Variants in KLHL29 observed in about 807,000 individuals in gnomAD.
The protein encoded by KLHL29 is kelch like family member 29.
KLHL29 carries 21 observed loss-of-function variants against 80.4 expected under a neutral mutation model. The ratio of observed to expected loss-of-function variants is 0.26; its 90% CI spans 0.19 to 0.38. The LOEUF is 0.38. Ranked by LOEUF, KLHL29 falls within the 10% of genes least tolerant of loss-of-function variation. The probability of loss-of-function intolerance (pLI) is 1.00; values close to 1 mark genes in which losing one functional copy is unlikely to be tolerated. For synonymous variants in KLHL29, 511 were observed against 526.8 expected, an observed-to-expected ratio of 0.97 and a Z score of 0.41; for missense variants, 867 against 1,223.9, an observed-to-expected ratio of 0.71 and a Z score of 4.35.
At chr2:23,622,632 T>A (rs1459150189) in intron 3 of KLHL29, among the ~76,000 whole-genome samples, 1 of 152,180 alleles carries the variant, frequency 6.6e-6, no homozygotes, top group African/African-American at 2.4e-5. Context: ...GGGCTTCCCC[T>A]GCCTGGAATG....
At chr2:23,559,614 A>G (rs897572732) in intron 2 of KLHL29, among the ~76,000 whole-genome samples, 3 of 152,002 alleles carry the variant, frequency 2.0e-5, no homozygotes, top group Non-Finnish European at 1.5e-5. Context: ...TCTCTGAGAG[A>G]GGGAATTCCT....
At chr2:23,687,064 T>A (rs1057021188) in intron 6 of KLHL29, among the ~76,000 whole-genome samples, 4 of 152,186 alleles carry the variant, frequency 2.6e-5, no homozygotes, top group Non-Finnish European at 1.5e-5. Flanking sequence ...TTGGCATCCG[T>A]GACCCTGGAG....
In KLHL29 at chr2:23,696,636, T is replaced by G. The variant is rs766881273; in HGVS notation, c.2105+123T>G. ...TGGAGCAGAGCCTGGACCATTCATA[T>G]GGGCAGTCATCCCAGGCTCTTCAGT... On this transcript the variant is annotated intron_variant, in intron 11 of 13. Coordinates refer to ENST00000486442, the MANE Select transcript of KLHL29 (RefSeq NM_052920.2). This position sits in a 1 kb window ranked among gnomAD's most constrained non-coding sequence, Gnocchi z 5.5. 7 of 741,030 alleles carry G rather than the reference T, an allele frequency of 9.4e-6. No homozygotes were observed. Among genetic ancestry groups the G allele is most frequent in the Non-Finnish European group, 1.5e-5 (7 of 463,130 alleles). The allele number at this position is 741,030 out of a possible 1,614,324, so 45.9% of individuals were successfully genotyped here.
chr2:23,439,752 AGGTGT>A (rs1294822829), intron 1 of KLHL29, among the ~76,000 whole-genome samples: 2 of 151,022 alleles, frequency 1.3e-5, no homozygotes, highest in East Asian at 2.0e-4. Context: ...ATTTTGGAAT[AGGTGT>A]GGTGTGGTGC....
rs75795433 is a variant in KLHL29 at position 23,501,538 on chromosome 2, G to T, written c.-46+25871G>T. ...CATCGATGTTCAGGTTGAAGAGCCT[G>T]TGTCAGCAAAAGAGTTGAAGTAATT... is the stretch of plus-strand genomic sequence containing the variant. On this transcript the variant is annotated intron_variant, in intron 2 of 13. Transcript: ENST00000486442. 8.1e-3 allele frequency among the ~76,000 whole-genome samples: 1,229 copies of T among 152,264 alleles called. 23 individuals carry two copies. The highest frequency in any genetic ancestry group is 0.027 in the African/African-American group (1,121 of 41,542).
chr2:23,612,172 C>T (rs2103530608), intron 3 of KLHL29, among the ~76,000 whole-genome samples: 1 of 152,218 alleles, frequency 6.6e-6, no homozygotes, highest in Non-Finnish European at 1.5e-5. Flanking sequence ...GAAATCTAAA[C>T]CAAGGCATTC....
At chr2:23,586,229 G>A (rs977950291) in intron 3 of KLHL29, among the ~76,000 whole-genome samples, 5 of 151,874 alleles carry the variant, frequency 3.3e-5, no homozygotes, top group African/African-American at 4.8e-5. Context: ...ACAATTCAGG[G>A]GTGTTTTGTA....
intron 2 of KLHL29, among the ~76,000 whole-genome samples, chr2:23,543,126 CTCA>C (rs946380122): frequency 7.9e-5 from 12 of 152,158 alleles, no homozygotes; most frequent in African/African-American, 2.7e-4. Flanking sequence ...CCGTCTGCGC[CTCA>C]TCCTCCTCTG....
In KLHL29 at chr2:23,581,828, C is replaced by CAAA. The variant is rs58233449; in HGVS notation, c.285+19363_285+19365dup. The stretch of plus-strand genomic sequence containing the variant: ...GGGCAACAAGAATGAAACTCTGCCT[C>CAAA]AAAAAAAAAAAAAAAAAACTTTTAT... On this transcript the variant is annotated intron_variant, in intron 3 of 13. Transcript: ENST00000486442. Among the ~76,000 whole-genome samples the CAAA allele has an allele frequency of 2.8e-4, 23 of 82,904 alleles. 1 individual carries two copies. Among genetic ancestry groups the CAAA allele is most frequent in the African/African-American group, 8.7e-4 (18 of 20,762 alleles). 54.4% of individuals were successfully genotyped at this position (82,904 alleles called of 152,430 possible).
intron 3 of KLHL29, among the ~76,000 whole-genome samples, chr2:23,564,803 C>G (rs1399937347): frequency 1.3e-5 from 2 of 152,224 alleles, no homozygotes; most frequent in African/African-American, 4.8e-5. Context: ...GAGCTCACGG[C>G]TCCTTGTGTA....
At chr2:23,521,153 G>C (rs1174103477) in intron 2 of KLHL29, among the ~76,000 whole-genome samples, 2 of 152,166 alleles carry the variant, frequency 1.3e-5, no homozygotes, top group African/African-American at 2.4e-5. Flanking sequence ...TGTGGTGTGG[G>C]ATACATGCAG....
chr2:23,434,092 C>T lies in KLHL29; in HGVS notation c.-153-41468C>T, dbSNP rs1376957398. 4.0e-5 allele frequency among the ~76,000 whole-genome samples: 6 copies of T among 151,810 alleles called. No homozygotes were observed. In the East Asian group the frequency reaches 9.7e-4, roughly 25 times the overall value. On this transcript the variant is annotated intron_variant, in intron 1 of 13. Transcript: ENST00000486442. The stretch of plus-strand genomic sequence containing the variant: ...ATCCCAGCACTTTGGGAGGCCGAGA[C>T]GGGCGGATCACGAGGTCAGGAGATC...
intron 1 of KLHL29, among the ~76,000 whole-genome samples, chr2:23,462,500 T>G (rs921353098): frequency 1.3e-5 from 2 of 152,206 alleles, no homozygotes; most frequent in Non-Finnish European, 2.9e-5. Flanking sequence ...TTTCTAGGCT[T>G]CTTCCTATAA....
intron 5 of KLHL29, among the ~76,000 whole-genome samples, chr2:23,658,830 G>A (rs894785328): frequency 3.9e-5 from 6 of 152,198 alleles, no homozygotes; most frequent in Non-Finnish European, 7.3e-5. Context: ...TTGCTGGGCC[G>A]GTCAGAGGGC....
chr2:23,459,763 T>A (rs1306697351), intron 1 of KLHL29, among the ~76,000 whole-genome samples: 2 of 152,066 alleles, frequency 1.3e-5, no homozygotes, highest in Non-Finnish European at 2.9e-5. Flanking sequence ...TTTCAAGGAG[T>A]GGCCACCAGT....
intron 2 of KLHL29, among the ~76,000 whole-genome samples, chr2:23,484,734 C>T (rs1178496483): frequency 6.6e-6 from 1 of 152,222 alleles, no homozygotes; most frequent in Non-Finnish European, 1.5e-5. Context: ...GCTCTGCCAT[C>T]TTGCGCAGGT....
chr2:23,635,798 A>T (rs1013936823), intron 3 of KLHL29, among the ~76,000 whole-genome samples: 5 of 152,208 alleles, frequency 3.3e-5, no homozygotes, highest in Non-Finnish European at 5.9e-5. Flanking sequence ...GGAGCAGAAA[A>T]CATGGCCAGG....
chr2:23,676,855 G>C lies in KLHL29; in HGVS notation c.941-7544G>C, dbSNP rs1248652332. ...GAAGCCTGCAGGAGCCCATGGTAAGGAGTTTGGAAATAAGGGATCAAGGCA... is the reference window on the plus strand; with the variant it reads ...GAAGCCTGCAGGAGCCCATGGTAAGCAGTTTGGAAATAAGGGATCAAGGCA... On this transcript the variant is annotated intron_variant, in intron 5 of 13. Coordinates refer to ENST00000486442, the MANE Select transcript of KLHL29 (RefSeq NM_052920.2). Among the ~76,000 whole-genome samples the C allele has an allele frequency of 9.2e-5, 14 of 152,178 alleles. 1 individual carries two copies. Among genetic ancestry groups the C allele is most frequent in the Admixed American group, 6.5e-4 (10 of 15,276 alleles).
intron 5 of KLHL29, among the ~76,000 whole-genome samples, chr2:23,675,201 G>A (rs924147349): frequency 1.3e-5 from 2 of 152,162 alleles, no homozygotes; most frequent in Non-Finnish European, 2.9e-5. Context: ...TCCAAGCAGG[G>A]GAAGGAGCCA....
Sources: allele counts gnomAD v4.1 joint callset (sites outside exome capture counted in the v4.1 genomes callset), GRCh38; gene constraint gnomAD v4.1.1; non-coding constraint Gnocchi (gnomAD v3.1); transcripts MANE v1.5; gene names NCBI Gene and HGNC (gene_info 2026-07-23, HGNC 2026-07-21).